The following SPPL3 variants were observed in gnomAD, a reference collection of about 807,000 sequenced individuals.
The protein encoded by SPPL3 is signal peptide peptidase-like 3.
SPPL3 carries 5 observed loss-of-function variants against 42.4 expected under a neutral mutation model. That is an observed-to-expected ratio of 0.12 (90% CI 0.06 to 0.25). The LOEUF (loss-of-function observed/expected upper bound fraction) is 0.25, where lower values mean the gene tolerates loss of function less well. Ranked by LOEUF, SPPL3 falls within the 10% of genes least tolerant of loss-of-function variation. The pLI, the probability that SPPL3 is intolerant of heterozygous loss-of-function variation, is 1.00. For missense variants in SPPL3, 235 were observed against 489.0 expected, an observed-to-expected ratio of 0.48 and a Z score of 4.90; for synonymous variants, 195 against 181.8, an observed-to-expected ratio of 1.07 and a Z score of -0.58.
At chr12:120,768,303 C>G (rs368417609) in intron 8 of SPPL3, 22 bp downstream of exon 8, 1 of 1,601,460 alleles carries the variant, frequency 6.2e-7, no homozygotes, top group Non-Finnish European at 8.5e-7. Context: ...CAGTGTGGTC[C>G]TGTCATAGCA....
At chr12:120,841,427 G>A (rs902390488) in intron 1 of SPPL3, among the ~76,000 whole-genome samples, 8 of 135,728 alleles carry the variant, frequency 5.9e-5, no homozygotes, top group Non-Finnish European at 1.2e-4. Flanking sequence ...TAAAAAAATA[G>A]TTATATATAT....
chr12:120,824,219 G>C (rs1429471826), intron 1 of SPPL3, among the ~76,000 whole-genome samples: 2 of 152,128 alleles, frequency 1.3e-5, no homozygotes, highest in African/African-American at 4.8e-5. Flanking sequence ...GAAGAAGCAA[G>C]CTGAAGACCT....
chr12:120,878,824 G>A (rs1873189494), intron 1 of SPPL3, among the ~76,000 whole-genome samples: 1 of 151,998 alleles, frequency 6.6e-6, no homozygotes, highest in South Asian at 2.1e-4. Flanking sequence ...TTAAGAATAA[G>A]ACGATAAGGC....
intron 2 of SPPL3, among the ~76,000 whole-genome samples, chr12:120,799,311 A>G (rs1870210101): frequency 6.6e-6 from 1 of 152,216 alleles, no homozygotes. Context: ...TACTGTACTG[A>G]GAGTGAAAAA....
At chr12:120,772,239 C>G (rs1258102389) in intron 6 of SPPL3, among the ~76,000 whole-genome samples, 1 of 152,156 alleles carries the variant, frequency 6.6e-6, no homozygotes, top group Non-Finnish European at 1.5e-5. Flanking sequence ...TCAGGCTGGT[C>G]TCAAACTCCT....
intron 1 of SPPL3, among the ~76,000 whole-genome samples, chr12:120,829,894 T>A (rs1871342737): frequency 6.6e-6 from 1 of 150,618 alleles, no homozygotes; most frequent in Admixed American, 6.6e-5. Context: ...CTTGGGAGGC[T>A]GAGACAGGAG....
At chr12:120,887,517 T>A (rs191364949) in intron 1 of SPPL3, among the ~76,000 whole-genome samples, 7 of 152,266 alleles carry the variant, frequency 4.6e-5, no homozygotes, top group African/African-American at 1.4e-4. Flanking sequence ...CCAGAGTAAT[T>A]CGGTTAATCA....
intron 1 of SPPL3, among the ~76,000 whole-genome samples, chr12:120,858,499 G>A (rs770530457): frequency 2.5e-4 from 38 of 150,636 alleles, no homozygotes; most frequent in Non-Finnish European, 4.9e-4. Flanking sequence ...ATCATATGAC[G>A]AGGCAACATA....
chr12:120,823,126 G>A (rs1002178607), intron 1 of SPPL3, among the ~76,000 whole-genome samples: 32 of 149,354 alleles, frequency 2.1e-4, no homozygotes, highest in African/African-American at 7.6e-4. Flanking sequence ...GCAAGAGTGA[G>A]TGATCATGCG....
Position 120,800,108 on chromosome 12 carries a change from T to C in SPPL3, c.102-8551A>G, listed in dbSNP as rs79108109. 2.1e-3 allele frequency among the ~76,000 whole-genome samples: 327 copies of C among 152,342 alleles called. 1 individual carries two copies. Among genetic ancestry groups the C allele is most frequent in the African/African-American group, 7.6e-3 (317 of 41,578 alleles). Reference sequence around the variant, plus strand: ...TCCATCTTGACCTGCCTTCACAATCTTGTTATTGCTATACAGTAACATAAT... The same window carrying C: ...TCCATCTTGACCTGCCTTCACAATCCTGTTATTGCTATACAGTAACATAAT... On this transcript the variant is annotated intron_variant, in intron 2 of 10. Transcript: ENST00000353487.
chr12:120,768,929 A>C, intron 7 of SPPL3, 24 bp downstream of exon 7: 1 of 1,567,830 alleles, frequency 6.4e-7, no homozygotes, highest in Non-Finnish European at 8.7e-7. Context: ...GAAGGGGAGG[A>C]GCTCCAAGGA....
In SPPL3 at chr12:120,897,757, A is replaced by G. The variant is rs568277848; in HGVS notation, c.23+6088T>C. ...TAATAATAATGAGCAAATCTTCTAA[A>G]GTCTATAATGCTAGACACAAATTTT... is the stretch of plus-strand genomic sequence containing the variant. On this transcript the variant is annotated intron_variant, in intron 1 of 10. Coordinates refer to ENST00000353487, the MANE Select transcript of SPPL3 (RefSeq NM_139015.5). Among the ~76,000 whole-genome samples the G allele has an allele frequency of 1.2e-4, 19 of 152,270 alleles. No individual in the cohort carries two copies. In the South Asian group the frequency reaches 2.9e-3, roughly 23 times the overall value.
In SPPL3 at chr12:120,827,377, C is replaced by T. The variant is rs144909204; in HGVS notation, c.24-16491G>A. On this transcript the variant is annotated intron_variant, in intron 1 of 10. Coordinates refer to ENST00000353487, the MANE Select transcript of SPPL3 (RefSeq NM_139015.5). ...TAATATAATAATATAATAATAATAA[C>T]AATAATAATAATAATACTTTGGGGG... 1.2e-3 allele frequency among the ~76,000 whole-genome samples: 179 copies of T among 148,600 alleles called. 2 individuals are homozygous for T. In the East Asian group the frequency reaches 0.027, roughly 22 times the overall value.
At chr12:120,828,067 C>T (rs1008280539) in intron 1 of SPPL3, among the ~76,000 whole-genome samples, 5 of 152,200 alleles carry the variant, frequency 3.3e-5, no homozygotes, top group African/African-American at 1.2e-4. Context: ...GGATTACAGG[C>T]ATGAGCCACC....
intron 1 of SPPL3, among the ~76,000 whole-genome samples, chr12:120,867,808 C>T (rs1872800811): frequency 1.3e-5 from 2 of 151,854 alleles, no homozygotes; most frequent in Admixed American, 1.3e-4. Flanking sequence ...TGCAGAGAGG[C>T]ATGATCTCGG....
chr12:120,808,629 T>C (rs1459972743), intron 2 of SPPL3, among the ~76,000 whole-genome samples: 5 of 152,198 alleles, frequency 3.3e-5, no homozygotes, highest in Non-Finnish European at 7.3e-5. Flanking sequence ...CTATCATCAC[T>C]GTAACAGTCC....
chr12:120,871,144 A>AAAAAAAAAAAAAAAAAAAAAAAAAAAAG (rs61249398), intron 1 of SPPL3, among the ~76,000 whole-genome samples: 1 of 142,120 alleles, frequency 7.0e-6, no homozygotes, highest in Non-Finnish European at 1.5e-5. Flanking sequence ...AAAAAAAAAA[A>AAAAAAAAAAAAAAAAAAAAAAAAAAAAG]AAAAAGAAAA....
chr12:120,851,682 G>A (rs1872229522), intron 1 of SPPL3, among the ~76,000 whole-genome samples: 2 of 152,028 alleles, frequency 1.3e-5, no homozygotes, highest in Non-Finnish European at 2.9e-5. Flanking sequence ...CGACTGACTG[G>A]AGCCTTGACC....
chr12:120,774,176 A>G (rs1256022078), intron 6 of SPPL3, among the ~76,000 whole-genome samples: 1 of 152,168 alleles, frequency 6.6e-6, no homozygotes, highest in Non-Finnish European at 1.5e-5. Context: ...ATACACATGA[A>G]ATCTGCAGCC....
Sources: allele counts gnomAD v4.1 joint callset (sites outside exome capture counted in the v4.1 genomes callset), GRCh38; gene constraint gnomAD v4.1.1; transcripts MANE v1.5; gene names NCBI Gene and HGNC (gene_info 2026-07-23, HGNC 2026-07-21).